The following HTR3C variants were observed in gnomAD, a reference collection of about 807,000 sequenced individuals.
HTR3C encodes the protein 5-hydroxytryptamine receptor 3C, also known as 5-HT3-C.
In HTR3C, 32 loss-of-function variants were observed where a neutral mutation model predicts 40.5. The ratio of observed to expected loss-of-function variants is 0.79; its 90% CI spans 0.60 to 1.06. The LOEUF (loss-of-function observed/expected upper bound fraction) is 1.06. Ranked by LOEUF, HTR3C falls within the 50% of genes least tolerant of loss-of-function variation. The pLI, the probability that HTR3C is intolerant of heterozygous loss-of-function variation, is 0.00. For synonymous variants in HTR3C, 209 were observed against 217.1 expected (o/e 0.96, Z 0.33); for missense variants, 523 against 556.8 (o/e 0.94, Z 0.61).
At chr3:184,057,660 G>C (rs547919972) in intron 5 of HTR3C, among the ~76,000 whole-genome samples, 1 of 152,090 alleles carries the variant, frequency 6.6e-6, no homozygotes, top group Non-Finnish European at 1.5e-5. Context: ...CGTGAAACTC[G>C]GGAGGTGGAG....
rs1723290331 is a variant in HTR3C, at chr3:184,054,841, C to T, written c.188C>T (p.Pro63Leu). 3 of 1,613,312 alleles carry T rather than the reference C, an allele frequency of 1.9e-6. No homozygotes were observed. The highest frequency in any genetic ancestry group is 2.5e-6 in the Non-Finnish European group (3 of 1,179,580). Residue 63 changes from proline (P) to leucine (L), a missense_variant, in exon 2 of 9, where the codon CCT becomes CTT. Physicochemically the swap from Pro to Leu is moderately conservative, Grantham distance 98 (BLOSUM62 -3). Coordinates refer to ENST00000318351, the MANE Select transcript of HTR3C (RefSeq NM_130770.3). ...CGTCCATTCACCAACTACAGCATCC[C>T]TACCCGTGTCAACATCTCCTTCACC... ...AFRPFTNYSIPTRVNISFTLS... is the reference protein window; with the variant it reads ...AFRPFTNYSILTRVNISFTLS...
Position 184,053,092 on chromosome 3 carries a change from G to A in HTR3C, c.12G>A (p.Gly4=). The change falls in exon 1 of 9, where the codon GGG becomes GGA. Residue 4 remains glycine, a synonymous_variant. Coordinates refer to ENST00000318351, the MANE Select transcript of HTR3C (RefSeq NM_130770.3). ...GTCCAGAAAGAAGAATGGAAGGAGG[G>A]TGGCCTGCAAGGCAGAGTGCCCTCC... MEG[G]WPARQSALLC... is the part of the protein sequence containing the mutation. 1.2e-6 allele frequency: 2 copies of A among 1,613,630 alleles called. No individual in the cohort carries two copies. Among genetic ancestry groups the A allele is most frequent in the Non-Finnish European group, 1.7e-6 (2 of 1,179,586 alleles).
Position 184,059,900 on chromosome 3 carries a change from T to G in HTR3C, c.998T>G (p.Leu333Arg), listed in dbSNP as rs760322476. Residue 333 changes from leucine to arginine, a missense_variant, in exon 8 of 9, where the codon CTG (leucine) becomes CGG (arginine). Leu to Arg is a moderately radical substitution (Grantham distance 102). Coordinates refer to ENST00000318351, the MANE Select transcript of HTR3C (RefSeq NM_130770.3). Reference sequence around the variant, plus strand: ...GAGACCGTCTTCATTACCTACCTGCTGCACGTGGCCACCACCCAGCCCCCA... The same window carrying G: ...GAGACCGTCTTCATTACCTACCTGCGGCACGTGGCCACCACCCAGCCCCCA... ...LLETVFITYL[L>R]HVATTQPPPM... is the part of the protein sequence containing the mutation. 1 of 1,613,974 alleles carries G rather than the reference T, an allele frequency of 6.2e-7. No homozygotes were observed. The highest frequency in any genetic ancestry group is 8.5e-7 in the Non-Finnish European group (1 of 1,179,996).
intron 5 of HTR3C, among the ~76,000 whole-genome samples, chr3:184,058,165 C>G (rs778202776): frequency 2.0e-5 from 3 of 152,186 alleles, no homozygotes; most frequent in Non-Finnish European, 2.9e-5. Flanking sequence ...TCCAAAAGTT[C>G]TTGACTCACG....
intron 3 of HTR3C, 112 bp from the exon 4 acceptor site, chr3:184,056,065 G>C: frequency 2.9e-6 from 2 of 691,260 alleles, no homozygotes; most frequent in Non-Finnish European, 5.2e-6. Flanking sequence ...GGTTATTAGG[G>C]TCACAAATGG....
chr3:184,055,809 AAC>A (rs1342738448), intron 3 of HTR3C, among the ~76,000 whole-genome samples: 3,206 of 145,314 alleles, frequency 0.022, 115 homozygotes, highest in African/African-American at 0.079. Flanking sequence ...GGGAAAAAAT[AAC>A]TCCATGTAGA....
intron 5 of HTR3C, among the ~76,000 whole-genome samples, chr3:184,057,861 G>A (rs542433989): frequency 5.2e-4 from 79 of 152,338 alleles, no homozygotes; most frequent in African/African-American, 1.8e-3. Flanking sequence ...ACGGGGTTAC[G>A]ACCTGCTGCT....
chr3:184,059,618 T>G lies in HTR3C; in HGVS notation c.903T>G (p.Pro301=). The G allele has an allele frequency of 6.2e-7, 1 of 1,614,118 alleles. No homozygotes were observed. The highest frequency in any genetic ancestry group is 8.5e-7 in the Non-Finnish European group (1 of 1,180,016). Residue 301 remains proline (P), a synonymous_variant, in exon 7 of 9, where the codon CCT becomes CCG. Coordinates refer to ENST00000318351, the MANE Select transcript of HTR3C (RefSeq NM_130770.3). ...VFLLMMNDLL[P]ASGTPLISVY... Reference sequence around the variant, plus strand: ...TGCTCATGATGAATGACTTGCTCCCTGCCAGTGGCACCCCCCTCATCAGTA... The same window carrying G: ...TGCTCATGATGAATGACTTGCTCCCGGCCAGTGGCACCCCCCTCATCAGTA...
intron 8 of HTR3C, 24 bp downstream of exon 8, chr3:184,060,067 T>C (rs760881646): frequency 6.2e-7 from 1 of 1,608,280 alleles, no homozygotes; most frequent in Non-Finnish European, 8.5e-7. Flanking sequence ...GCACTGTCCA[T>C]ACTCGCCCTT....
At chr3:184,056,056 G>A in intron 3 of HTR3C, 121 bp from the exon 4 acceptor site, 1 of 664,068 alleles carries the variant, frequency 1.5e-6, no homozygotes, top group Non-Finnish European at 2.7e-6. Context: ...ATAGGCTGTG[G>A]TTATTAGGGT....
intron 4 of HTR3C, 143 bp downstream of exon 4, chr3:184,056,429 A>G: frequency 6.2e-6 from 4 of 645,924 alleles, no homozygotes; most frequent in Non-Finnish European, 1.1e-5. Context: ...CTACGAGTAG[A>G]AGAGGCGAGA....
At chr3:184,057,129 C>CCAA in intron 5 of HTR3C, 85 bp downstream of exon 5, 1 of 1,028,574 alleles carries the variant, frequency 9.7e-7, no homozygotes, top group Non-Finnish European at 1.4e-6. Flanking sequence ...GGTTTTGGAT[C>CCAA]AGTGTTGCTC....
intron 3 of HTR3C, among the ~76,000 whole-genome samples, 194 bp from the exon 4 acceptor site, chr3:184,055,983 C>T (rs6762938): frequency 0.45 from 66,792 of 149,264 alleles, 15,008 homozygotes; most frequent in East Asian, 0.62. Context: ...TTAATATCTG[C>T]CTGCCAAAAG....
chr3:184,058,389 G>A, intron 5 of HTR3C, 38 bp from the exon 6 acceptor site: 2 of 1,530,206 alleles, frequency 1.3e-6, no homozygotes, highest in Non-Finnish European at 1.7e-6. Context: ...GGAGGCTTGG[G>A]AAAACGTCTG....
At position 184,059,559 on chromosome 3, in the gene HTR3C, A is replaced by G. The variant is rs1723399869; in HGVS notation, c.844A>G (p.Lys282Glu). 1 of 1,613,906 alleles carries G rather than the reference A, an allele frequency of 6.2e-7. No individual in the cohort carries two copies. The highest frequency in any genetic ancestry group is 1.7e-5 in the Admixed American group (1 of 59,980). Reference protein sequence around the residue: ...PAESENRAPFKITLLLGYNVF... With the variant: ...PAESENRAPFEITLLLGYNVF... ...AGAGAGCGAGAATCGTGCCCCATTC[A>G]AGATAACACTTCTGCTGGGCTACAA... The change falls in exon 7 of 9, where the codon AAG becomes GAG. Residue 282 changes from lysine to glutamate, a missense_variant. By Grantham distance (56) the Lys-to-Glu change is moderately conservative (BLOSUM62 1). Transcript: ENST00000318351.
intron 6 of HTR3C, 132 bp downstream of exon 6, chr3:184,058,719 C>G (rs1723382365): frequency 1.0e-6 from 1 of 969,164 alleles, no homozygotes; most frequent in African/African-American, 1.7e-5. Context: ...AATCCCAGTA[C>G]TTTGGGAGGC....
intron 4 of HTR3C, 90 bp from the exon 5 acceptor site, chr3:184,056,785 C>G: frequency 1.8e-6 from 2 of 1,126,574 alleles, no homozygotes; most frequent in Non-Finnish European, 2.5e-6. Flanking sequence ...GAGAAAGAGC[C>G]CAGAAGGAGA....
intron 7 of HTR3C, 68 bp from the exon 8 acceptor site, chr3:184,059,760 G>A: frequency 6.3e-7 from 1 of 1,598,056 alleles, no homozygotes; most frequent in Non-Finnish European, 8.6e-7. Context: ...ATTGGATTTA[G>A]GAAAGAGGCG....
Position 184,060,316 on chromosome 3 carries a change from C to T in HTR3C, c.1308C>T (p.Ser436=). 6.2e-7 allele frequency: 1 copy of T among 1,614,206 alleles called. No homozygotes were observed. Among genetic ancestry groups the T allele is most frequent in the Non-Finnish European group, 8.5e-7 (1 of 1,180,042 alleles). ...GCCTCTACCTGCTCTTCATGGCCTC[C>T]TCCATCCTTACTGTCATTGTCCTCT... is the stretch of plus-strand genomic sequence containing the variant. The part of the protein sequence containing the change: ...LFRLYLLFMA[S]SILTVIVLWN... The change falls in exon 9 of 9, where the codon TCC becomes TCT. Residue 436 remains serine (S), a synonymous_variant. Coordinates refer to ENST00000318351, the MANE Select transcript of HTR3C (RefSeq NM_130770.3).
Sources: gnomAD v4.1 joint callset for allele counts (sites outside exome capture counted in the v4.1 genomes callset) on GRCh38, gnomAD v4.1.1 for gene constraint, MANE v1.5 for transcripts, NCBI Gene and HGNC (gene_info 2026-07-23, HGNC 2026-07-21) for gene names.